Variants in PJA2 observed in about 807,000 individuals in gnomAD.
PJA2 encodes E3 ubiquitin-protein ligase Praja-2.
A neutral mutation model predicts 69.3 loss-of-function variants in PJA2; 25 were observed. The observed-to-expected ratio is 0.36, with a 90% CI of 0.26 to 0.50. PJA2 has a LOEUF of 0.50. Ranked by LOEUF, PJA2 falls within the 20% of genes least tolerant of loss-of-function variation. The pLI, the probability that PJA2 is intolerant of heterozygous loss-of-function variation, is 0.96. For missense variants in PJA2, 809 were observed against 830.2 expected, an observed-to-expected ratio of 0.97 and a Z score of 0.31; for synonymous variants, 308 against 277.8, an observed-to-expected ratio of 1.11 and a Z score of -1.08.
intron 7 of PJA2, among the ~76,000 whole-genome samples, chr5:109,353,887 G>A (rs62643545): frequency 1.3e-4 from 3 of 22,822 alleles, no homozygotes; most frequent in Admixed American, 5.4e-4. Flanking sequence ...TAGATTAGAT[G>A]TCTATGATAT....
At chr5:109,344,668 T>C (rs761402964) in intron 8 of PJA2, 37 bp downstream of exon 8, 10 of 1,319,244 alleles carry the variant, frequency 7.6e-6, no homozygotes, top group Admixed American at 7.0e-5. Flanking sequence ...AAATGTACAA[T>C]GTGTTCTTCA....
At chr5:109,403,777 A>C (rs1047453751) in intron 1 of PJA2, among the ~76,000 whole-genome samples, 29 of 152,070 alleles carry the variant, frequency 1.9e-4, no homozygotes, top group Non-Finnish European at 2.6e-4. Flanking sequence ...AAAAAAAAAA[A>C]AAAAAAACTC....
intron 2 of PJA2, among the ~76,000 whole-genome samples, chr5:109,382,785 T>C (rs1747080103): frequency 6.6e-6 from 1 of 151,464 alleles, no homozygotes; most frequent in African/African-American, 2.4e-5. Flanking sequence ...GAGGCGGAGG[T>C]TGCAGTGAGC....
At chr5:109,386,681 T>A (rs560077162) in intron 1 of PJA2, among the ~76,000 whole-genome samples, 44 of 152,182 alleles carry the variant, frequency 2.9e-4, no homozygotes, top group African/African-American at 9.4e-4. Context: ...GATCCTCAAA[T>A]AATGGTTTCA....
intron 9 of PJA2, among the ~76,000 whole-genome samples, chr5:109,342,830 T>TG (rs1309285856): frequency 1.5e-4 from 3 of 19,552 alleles, no homozygotes; most frequent in East Asian, 1.3e-3. Context: ...GGAGGGAGGT[T>TG]GGGGGGTCAG....
intron 3 of PJA2, 57 bp downstream of exon 3, chr5:109,381,446 A>C (rs1310636258): frequency 1.4e-6 from 2 of 1,467,000 alleles, no homozygotes; most frequent in Non-Finnish European, 1.9e-6. Flanking sequence ...AAATTTAATT[A>C]TAAGATCAAT....
intron 7 of PJA2, among the ~76,000 whole-genome samples, chr5:109,349,473 C>T (rs906731845): frequency 6.6e-5 from 10 of 152,152 alleles, no homozygotes; most frequent in African/African-American, 2.4e-4. Context: ...CTCTAGCAGC[C>T]AGTTCCTGTA....
At chr5:109,341,580 G>A (rs1212788589) in intron 9 of PJA2, among the ~76,000 whole-genome samples, 22 of 129,256 alleles carry the variant, frequency 1.7e-4, no homozygotes, top group African/African-American at 4.8e-4. Context: ...CCGGCCAGCC[G>A]CCCCGTCCGG....
rs536242057 is a variant in PJA2 at position 109,394,014 on chromosome 5, G to A, written c.-87-10494C>T. 3.3e-5 allele frequency among the ~76,000 whole-genome samples: 5 copies of A among 149,280 alleles called. No homozygotes were observed. The South Asian group carries it at 8.5e-4, about 25-fold the overall frequency. ...AAAGAATAAGGTATTATAGCAGAAG[G>A]ATGTGCTAGTAACATTCTAATTCTC... On this transcript the variant is annotated intron_variant, in intron 1 of 9. Coordinates refer to ENST00000361189, the MANE Select transcript of PJA2 (RefSeq NM_014819.5).
At chr5:109,364,624 A>C (rs1177343934) in intron 5 of PJA2, among the ~76,000 whole-genome samples, 1 of 142,470 alleles carries the variant, frequency 7.0e-6, no homozygotes, top group Non-Finnish European at 1.5e-5. Flanking sequence ...CTCTGTCTCA[A>C]AAAAAAAAAA....
chr5:109,341,814 G>A (rs1762068818), intron 9 of PJA2, among the ~76,000 whole-genome samples: 1 of 113,796 alleles, frequency 8.8e-6, no homozygotes, highest in African/African-American at 3.2e-5. Flanking sequence ...CGCCCCGTCC[G>A]GGAGGGAGGT....
chr5:109,358,048 G>C (rs1269086604), intron 6 of PJA2, among the ~76,000 whole-genome samples: 1 of 152,168 alleles, frequency 6.6e-6, no homozygotes, highest in Non-Finnish European at 1.5e-5. Context: ...TCCCTGTTGG[G>C]AACAGGCCCT....
At chr5:109,397,447 T>A (rs1747438749) in intron 1 of PJA2, among the ~76,000 whole-genome samples, 1 of 151,900 alleles carries the variant, frequency 6.6e-6, no homozygotes, top group Non-Finnish European at 1.5e-5. Context: ...ACGGACTGAC[T>A]GCCAACAAGG....
At chr5:109,387,391 G>C (rs920108144) in intron 1 of PJA2, among the ~76,000 whole-genome samples, 1 of 152,098 alleles carries the variant, frequency 6.6e-6, no homozygotes, top group Non-Finnish European at 1.5e-5. Flanking sequence ...CATAGCTAGG[G>C]TCAAGATTAA....
chr5:109,399,487 A>G (rs1270331435), intron 1 of PJA2, among the ~76,000 whole-genome samples: 1 of 152,218 alleles, frequency 6.6e-6, no homozygotes. Context: ...AGGAACACTT[A>G]GAAAAATCAG....
chr5:109,355,648 T>C (rs1331172417), intron 7 of PJA2, among the ~76,000 whole-genome samples: 6 of 152,154 alleles, frequency 3.9e-5, no homozygotes, highest in Admixed American at 3.3e-4. Context: ...TATAATTCAA[T>C]AGAGAAAAAA....
At chr5:109,367,109 G>A (rs930706098) in intron 5 of PJA2, among the ~76,000 whole-genome samples, 2 of 144,158 alleles carry the variant, frequency 1.4e-5, no homozygotes, top group African/African-American at 5.2e-5. Flanking sequence ...TCCAGCCTGG[G>A]CAACAGAGAG....
intron 9 of PJA2, among the ~76,000 whole-genome samples, chr5:109,340,874 G>A (rs1425823533): frequency 2.0e-5 from 2 of 99,556 alleles, no homozygotes; most frequent in African/African-American, 6.2e-5. Flanking sequence ...GCCCCTAACC[G>A]CGAGTGATCC....
rs1272538036 is a variant in PJA2, at chr5:109,372,923, A to AAAAAAAAAAAAAAG, written c.1284-4178_1284-4177insCTTTTTTTTTTTTT. ...TCCGTCTCAAAAAAAAAAAAAAAAAAAAAGAAAGAAAGAAAAAAAAATTAG... is the reference window on the plus strand; with the variant it reads ...TCCGTCTCAAAAAAAAAAAAAAAAAAAAAAAAAAAAAAAGAAAGAAAGAAAGAAAAAAAAATTAG... On this transcript the variant is annotated intron_variant, in intron 4 of 9. Coordinates refer to ENST00000361189, the MANE Select transcript of PJA2 (RefSeq NM_014819.5). 4.2e-4 allele frequency among the ~76,000 whole-genome samples: 58 copies of AAAAAAAAAAAAAAG among 136,850 alleles called. 1 individual carries two copies. The highest frequency in any genetic ancestry group is 1.6e-3 in the African/African-American group (56 of 36,108). The allele number at this position is 136,850 out of a possible 152,430, so 89.8% of individuals were successfully genotyped here.
Sources: allele counts gnomAD v4.1 joint callset (sites outside exome capture counted in the v4.1 genomes callset), GRCh38; gene constraint gnomAD v4.1.1; transcripts MANE v1.5; gene names NCBI Gene and HGNC (gene_info 2026-07-23, HGNC 2026-07-21).